The following ATP10A variants were observed in gnomAD, a reference collection of about 807,000 sequenced individuals.
The protein encoded by ATP10A is phospholipid-transporting ATPase VA.
A neutral mutation model predicts 147.8 loss-of-function variants in ATP10A; 111 were observed. The ratio of observed to expected loss-of-function variants is 0.75; its 90% CI spans 0.64 to 0.88. The LOEUF (loss-of-function observed/expected upper bound fraction) is 0.88, where lower values mean the gene tolerates loss of function less well. ATP10A is among the 40% of genes least tolerant of loss of function. The pLI is 0.00. For synonymous variants in ATP10A, 875 were observed against 841.6 expected, an observed-to-expected ratio of 1.04 and a Z score of -0.69; for missense variants, 1,927 against 1,959.0, an observed-to-expected ratio of 0.98 and a Z score of 0.31.
chr15:25,683,606 G>T, intron 16 of ATP10A, 120 bp from the exon 17 acceptor site: 1 of 977,652 alleles, frequency 1.0e-6, no homozygotes, highest in Non-Finnish European at 1.5e-6. Context: ...TATTGGCAGC[G>T]ATTTCTGCCA....
intron 1 of ATP10A, among the ~76,000 whole-genome samples, chr15:25,835,659 G>C (rs565843881): frequency 6.6e-6 from 1 of 152,082 alleles, no homozygotes; most frequent in Non-Finnish European, 1.5e-5. Flanking sequence ...AAGAGACTGG[G>C]TCATATTCTG....
intron 15 of ATP10A, among the ~76,000 whole-genome samples, chr15:25,688,469 C>A (rs540414579): frequency 6.6e-6 from 1 of 152,324 alleles, no homozygotes; most frequent in South Asian, 2.1e-4. Context: ...GCTTCCCCTG[C>A]ATATCATCAA....
chr15:25,704,467 A>C (rs1053294493), intron 12 of ATP10A, among the ~76,000 whole-genome samples: 1 of 152,200 alleles, frequency 6.6e-6, no homozygotes, highest in Non-Finnish European at 1.5e-5. Context: ...GCCAAGAAAG[A>C]AAGCAGGGAA....
Position 25,714,103 on chromosome 15 carries a change from A to G in ATP10A, c.1915T>C (p.Ser639Pro). ...CTGGACGGGGTGGACGGGAAGCTGG[A>G]GCCCAACTTGTGGCTGGACTTGTTG... ...AANKSSHKLG[S>P]SFPSTPSSDG... The change falls in exon 10 of 21, where the codon TCC becomes CCC. Residue 639 changes from serine to proline, a missense_variant. By Grantham distance (74) the Ser-to-Pro change is moderately conservative (BLOSUM62 -1). Transcript: ENST00000555815. 1 of 1,613,390 alleles carries G rather than the reference A, an allele frequency of 6.2e-7. No individual in the cohort carries two copies. The highest frequency in any genetic ancestry group is 8.5e-7 in the Non-Finnish European group (1 of 1,180,022).
At chr15:25,757,566 G>GA (rs1888489497) in intron 2 of ATP10A, among the ~76,000 whole-genome samples, 1 of 151,984 alleles carries the variant, frequency 6.6e-6, no homozygotes, top group African/African-American at 2.4e-5. Flanking sequence ...GGAGGAAATA[G>GA]AAAAAAGGCA....
chr15:25,859,284 G>A (rs1190071326), intron 1 of ATP10A, among the ~76,000 whole-genome samples: 1 of 152,200 alleles, frequency 6.6e-6, no homozygotes, highest in Non-Finnish European at 1.5e-5. Flanking sequence ...TGGACACTCA[G>A]TGTTGGAGAC....
At chr15:25,814,823 G>C (rs1891580387) in intron 1 of ATP10A, among the ~76,000 whole-genome samples, 1 of 152,168 alleles carries the variant, frequency 6.6e-6, no homozygotes, top group South Asian at 2.1e-4. Flanking sequence ...TCTGAGGACA[G>C]ACAGAAGAAA....
At chr15:25,680,677 C>T in intron 19 of ATP10A, 133 bp downstream of exon 19, 1 of 848,156 alleles carries the variant, frequency 1.2e-6, no homozygotes, top group Non-Finnish European at 1.9e-6. Flanking sequence ...TTGTCCTTCT[C>T]ATCACACTGA....
chr15:25,736,229 G>C, intron 2 of ATP10A, 88 bp from the exon 3 acceptor site: 1 of 1,033,536 alleles, frequency 9.7e-7, no homozygotes, highest in South Asian at 1.3e-5. Flanking sequence ...TCGCATCCGC[G>C]GCAGGCACAT....
At chr15:25,716,578 T>C in intron 9 of ATP10A, 152 bp downstream of exon 9, 1 of 702,008 alleles carries the variant, frequency 1.4e-6, no homozygotes, top group Non-Finnish European at 2.2e-6. Flanking sequence ...TTTTGCCCAG[T>C]ATGAAGCACC....
At chr15:25,862,519 G>T in intron 1 of ATP10A, 129 bp downstream of exon 1, 1 of 1,137,294 alleles carries the variant, frequency 8.8e-7, no homozygotes, top group Admixed American at 2.7e-5. Flanking sequence ...CGCGCAGCCG[G>T]GCCCTCCACC....
intron 2 of ATP10A, among the ~76,000 whole-genome samples, chr15:25,766,087 T>C (rs954718248): frequency 8.5e-5 from 13 of 152,180 alleles, no homozygotes; most frequent in African/African-American, 3.1e-4. Flanking sequence ...ACTTCTTACA[T>C]GGTGGCGGCA....
At chr15:25,761,388 C>T (rs1179382762) in intron 2 of ATP10A, among the ~76,000 whole-genome samples, 1 of 152,218 alleles carries the variant, frequency 6.6e-6, no homozygotes, top group Non-Finnish European at 1.5e-5. Context: ...AGAGTCCCCA[C>T]AGGGGCAGCA....
chr15:25,783,152 G>A (rs545569583), intron 1 of ATP10A, among the ~76,000 whole-genome samples: 1 of 152,236 alleles, frequency 6.6e-6, no homozygotes, highest in Non-Finnish European at 1.5e-5. Context: ...CTCCAGCCTG[G>A]GTGACAGAGG....
At position 25,713,681 on chromosome 15, in the gene ATP10A, G is replaced by A; in HGVS notation, c.2337C>T (p.Cys779=). The A allele has an allele frequency of 6.2e-7, 1 of 1,613,730 alleles. No homozygotes were observed. Among genetic ancestry groups the A allele is most frequent in the East Asian group, 2.2e-5 (1 of 44,868 alleles). Residue 779 remains cysteine (C), a synonymous_variant, in exon 10 of 21, where the codon TGC becomes TGT. Coordinates refer to ENST00000555815, the MANE Select transcript of ATP10A (RefSeq NM_024490.4). The part of the protein sequence containing the change: ...DSVVMDLLQP[C]SSVDARGRHQ... ...GGGCAGGGGTGGGAGTACCTGAAGA[G>A]CAGGGCTGCAGGAGATCCATGACCA...
intron 2 of ATP10A, among the ~76,000 whole-genome samples, chr15:25,770,997 G>A (rs955986625): frequency 2.0e-5 from 3 of 152,180 alleles, no homozygotes; most frequent in East Asian, 1.9e-4. Context: ...GGTAGAGGTC[G>A]TTCAGGGGAG....
intron 15 of ATP10A, among the ~76,000 whole-genome samples, chr15:25,690,885 A>C (rs1899994546): frequency 6.6e-6 from 1 of 152,174 alleles, no homozygotes; most frequent in Non-Finnish European, 1.5e-5. Flanking sequence ...GAGTAAGGCA[A>C]GTGTCAAGGA....
chr15:25,757,323 C>T (rs1888469387), intron 2 of ATP10A, among the ~76,000 whole-genome samples: 1 of 151,920 alleles, frequency 6.6e-6, no homozygotes, highest in African/African-American at 2.4e-5. Flanking sequence ...ATAAAAATTG[C>T]ATATTTCCTA....
Position 25,694,931 on chromosome 15 carries a change from G to C in ATP10A, c.2976C>G (p.Leu992=). ...CGGAGCGGCACTGCTTGGCAAGGAAGAGGAATTTGTCCTCCAGGTTTTTCT... is the reference window on the plus strand; with the variant it reads ...CGGAGCGGCACTGCTTGGCAAGGAACAGGAATTTGTCCTCCAGGTTTTTCT... ...ALEKNLEDKF[L]FLAKQCRSVL... is the part of the protein sequence containing the mutation. Residue 992 remains leucine (L), a synonymous_variant, in exon 14 of 21, where the codon CTC becomes CTG. Transcript: ENST00000555815. The C allele has an allele frequency of 6.2e-7, 1 of 1,614,218 alleles. No individual in the cohort carries two copies. The highest frequency in any genetic ancestry group is 2.2e-5 in the East Asian group (1 of 44,870).
Sources: allele counts gnomAD v4.1 joint callset (sites outside exome capture counted in the v4.1 genomes callset), GRCh38; gene constraint gnomAD v4.1.1; transcripts MANE v1.5; gene names NCBI Gene and HGNC (gene_info 2026-07-23, HGNC 2026-07-21).